The following NDC1 variants were observed in gnomAD, a reference collection of about 807,000 sequenced individuals.
The protein encoded by NDC1 is NDC1 transmembrane nucleoporin, also known as nucleoporin NDC1.
NDC1 carries 24 observed loss-of-function variants against 89.8 expected under a neutral mutation model. The ratio of observed to expected loss-of-function variants is 0.27; its 90% CI spans 0.19 to 0.38. The LOEUF is 0.38. Ranked by LOEUF, NDC1 falls within the 10% of genes least tolerant of loss-of-function variation. NDC1 has a pLI of 1.00. For synonymous variants in NDC1, 296 were observed against 284.8 expected, an observed-to-expected ratio of 1.04 and a Z score of -0.39; for missense variants, 728 against 797.6, an observed-to-expected ratio of 0.91 and a Z score of 1.05.
rs1647875722 is a variant in NDC1 at position 53,800,598 on chromosome 1, A to G, written c.1222+95T>C. 50 of 1,385,994 alleles carry G rather than the reference A, an allele frequency of 3.6e-5. 1 individual carries two copies. In the South Asian group the frequency reaches 5.4e-4, roughly 15 times the overall value. 85.9% of individuals were successfully genotyped at this position (1,385,994 alleles called of 1,614,324 possible). A position where few individuals can be genotyped will look rare whatever the true frequency, so the allele number is the denominator to read the frequency against. ...CCTCGGCCTCCCAAAGTGCGGGGAT[A>G]ACAGGCGTGAGCCACAGCGCCCAGT... On this transcript the variant is annotated intron_variant, in intron 11 of 17. Transcript: ENST00000371429.
intron 14 of NDC1, among the ~76,000 whole-genome samples, chr1:53,791,112 A>G (rs192367314): frequency 2.1e-4 from 32 of 152,306 alleles, no homozygotes; most frequent in African/African-American, 7.5e-4. Context: ...TTTAGCTTCT[A>G]TACGTAAGTA....
intron 6 of NDC1, among the ~76,000 whole-genome samples, chr1:53,816,966 G>A (rs1023012911): frequency 8.5e-5 from 13 of 152,066 alleles, no homozygotes; most frequent in African/African-American, 2.9e-4. Flanking sequence ...TCCAAGAATG[G>A]CCATAATCAA....
At chr1:53,793,597 C>A (rs758810769) in intron 13 of NDC1, among the ~76,000 whole-genome samples, 7 of 150,844 alleles carry the variant, frequency 4.6e-5, no homozygotes, top group Admixed American at 3.3e-4. Context: ...TTTCTTTTTT[C>A]TTTTTTATTT....
In NDC1 at chr1:53,796,731, T is replaced by C. The variant is rs764758953; in HGVS notation, c.1542A>G (p.Gln514=). Residue 514 remains glutamine (Q), a synonymous_variant, in exon 13 of 18, where the codon CAA becomes CAG. Transcript: ENST00000371429. ...SISAEGKTMR[Q]PSVIYSWIQN... is the part of the protein sequence containing the mutation. ...GAATCCATGAATAAATCACACTGGGTTGTCTCATTGTCTTACCCTCAGCAC... is the reference window on the plus strand; with the variant it reads ...GAATCCATGAATAAATCACACTGGGCTGTCTCATTGTCTTACCCTCAGCAC... The C allele has an allele frequency of 1.2e-6, 2 of 1,611,564 alleles. No homozygotes were observed.
intron 16 of NDC1, among the ~76,000 whole-genome samples, chr1:53,773,976 C>T (rs928963595): frequency 2.0e-5 from 3 of 152,122 alleles, no homozygotes; most frequent in Non-Finnish European, 2.9e-5. Context: ...TCCCTTCACG[C>T]GTGGTTCTAG....
rs568628911 is a variant in NDC1, at chr1:53,827,892, T to A, written c.455+107A>T. ...ACTTGATATATGCAAAAAGCACCTT[T>A]TGCAGAAGTCTGGAAAGCAAAGAAT... On this transcript the variant is annotated intron_variant, in intron 4 of 17. Coordinates refer to ENST00000371429, the MANE Select transcript of NDC1 (RefSeq NM_018087.5). The A allele has an allele frequency of 6.6e-5, 53 of 808,422 alleles. No homozygotes were observed. In the African/African-American group the frequency reaches 8.6e-4, roughly 13 times the overall value. 50.1% of individuals were successfully genotyped at this position (808,422 alleles called of 1,614,324 possible).
intron 6 of NDC1, among the ~76,000 whole-genome samples, chr1:53,810,661 CTGGGAGGCCAAGG>C (rs1648274791): frequency 6.6e-6 from 1 of 152,102 alleles, no homozygotes. Flanking sequence ...TCCCAGTACT[CTGGGAGGCCAAGG>C]TGGGAGGATC....
intron 7 of NDC1, among the ~76,000 whole-genome samples, chr1:53,809,037 TACA>T (rs928232009): frequency 7.2e-5 from 11 of 152,342 alleles, no homozygotes; most frequent in Non-Finnish European, 1.3e-4. Flanking sequence ...AGAAGATTAC[TACA>T]ACAATATACA....
At chr1:53,812,702 A>G (rs1648351425) in intron 6 of NDC1, among the ~76,000 whole-genome samples, 1 of 152,240 alleles carries the variant, frequency 6.6e-6, no homozygotes. Context: ...AATCAAGGAA[A>G]ACTTCCCTGG....
intron 17 of NDC1, among the ~76,000 whole-genome samples, chr1:53,769,345 G>T (rs905995067): frequency 2.6e-5 from 4 of 152,232 alleles, no homozygotes; most frequent in Non-Finnish European, 5.9e-5. Context: ...ATAACATGAC[G>T]ACTATGGCTA....
At chr1:53,827,957 T>G in intron 4 of NDC1, 42 bp downstream of exon 4, 1 of 1,479,024 alleles carries the variant, frequency 6.8e-7, no homozygotes, top group Non-Finnish European at 9.1e-7. Context: ...TTTGGCTTAG[T>G]AAGTAAATGA....
At chr1:53,792,288 C>A (rs1647544454) in intron 14 of NDC1, among the ~76,000 whole-genome samples, 1 of 152,126 alleles carries the variant, frequency 6.6e-6, no homozygotes, top group Admixed American at 6.6e-5. Context: ...CTTCAGACAA[C>A]CCCTCTTCCT....
intron 8 of NDC1, among the ~76,000 whole-genome samples, chr1:53,807,296 A>G (rs564616298): frequency 7.9e-5 from 12 of 151,706 alleles, no homozygotes; most frequent in African/African-American, 2.9e-4. Context: ...ACATATTTAA[A>G]TATTTTAATA....
intron 3 of NDC1, among the ~76,000 whole-genome samples, chr1:53,831,015 A>T (rs994454682): frequency 2.0e-5 from 3 of 152,056 alleles, no homozygotes; most frequent in Non-Finnish European, 4.4e-5. Context: ...AGGTGAGGAG[A>T]TTGAGACCAT....
intron 5 of NDC1, among the ~76,000 whole-genome samples, chr1:53,821,214 A>C (rs1238246293): frequency 6.6e-6 from 1 of 152,036 alleles, no homozygotes; most frequent in Non-Finnish European, 1.5e-5. Context: ...TGGGCAGATC[A>C]CTTGAGGCCA....
intron 14 of NDC1, among the ~76,000 whole-genome samples, chr1:53,791,277 G>C (rs1225052218): frequency 1.3e-5 from 2 of 152,028 alleles, no homozygotes; most frequent in African/African-American, 4.8e-5. Context: ...AAATTAGCCA[G>C]GCGTGGTGGC....
chr1:53,771,653 A>G (rs1479152401), intron 17 of NDC1, among the ~76,000 whole-genome samples: 2 of 152,208 alleles, frequency 1.3e-5, no homozygotes, highest in Non-Finnish European at 2.9e-5. Flanking sequence ...GAAGTCTTAA[A>G]CTATTCATTG....
chr1:53,797,815 G>C (rs924574992), intron 11 of NDC1, among the ~76,000 whole-genome samples: 2 of 151,960 alleles, frequency 1.3e-5, no homozygotes, highest in Non-Finnish European at 2.9e-5. Context: ...TTTTTGTAGA[G>C]ACAGATTCGC....
In NDC1 at chr1:53,796,556, T is replaced by A. The variant is rs534311082; in HGVS notation, c.1584+133A>T. ...TCAAACCAGTCAAATATTGGCTGTT[T>A]CATTTGAGTCAATACACGAAGCATA... On this transcript the variant is annotated intron_variant, in intron 13 of 17. Transcript: ENST00000371429. The A allele has an allele frequency of 4.1e-4, 230 of 557,474 alleles. No individual in the cohort carries two copies. Among genetic ancestry groups the A allele is most frequent in the African/African-American group, 2.9e-3 (152 of 52,558 alleles). The allele number at this position is 557,474 out of a possible 1,614,324, so 34.5% of individuals were successfully genotyped here. A position where few individuals can be genotyped will look rare whatever the true frequency, so the allele number is the denominator to read the frequency against.
Sources: gnomAD v4.1 joint callset for allele counts (sites outside exome capture counted in the v4.1 genomes callset) on GRCh38, gnomAD v4.1.1 for gene constraint, MANE v1.5 for transcripts, NCBI Gene and HGNC (gene_info 2026-07-23, HGNC 2026-07-21) for gene names.